The following SP100 variants were observed in gnomAD, a reference collection of about 807,000 sequenced individuals.
The protein encoded by SP100 is nuclear autoantigen Sp-100.
Under a neutral mutation model 130.0 loss-of-function variants are expected in SP100, and 84 were observed. The observed-to-expected ratio is 0.65, with a 90% CI of 0.54 to 0.77. The LOEUF (loss-of-function observed/expected upper bound fraction) is 0.77. Ranked by LOEUF, SP100 falls within the 30% of genes least tolerant of loss-of-function variation. The pLI, the probability that SP100 is intolerant of heterozygous loss-of-function variation, is 0.00. For missense variants in SP100, 978 were observed against 1,052.2 expected (o/e 0.93, Z 0.97); for synonymous variants, 331 against 351.7 (o/e 0.94, Z 0.66).
At chr2:230,449,507 A>G (rs1050801346) in intron 6 of SP100, 54 bp from the exon 7 acceptor site, 11 of 1,597,852 alleles carry the variant, frequency 6.9e-6, no homozygotes, top group Non-Finnish European at 9.4e-6. Context: ...GTTGGAGGGG[A>G]GTGACAGGCA....
At position 230,426,195 on chromosome 2, in the gene SP100, A is replaced by T. The variant is rs146310446; in HGVS notation, c.107+8530A>T. On this transcript the variant is annotated intron_variant, in intron 2 of 28. Transcript: ENST00000340126. ...CTAATTTTGTTTATCTTTTCAAAGAACAAGTTCTGAGTTTTGTTGATCTTT... is the reference window on the plus strand; with the variant it reads ...CTAATTTTGTTTATCTTTTCAAAGATCAAGTTCTGAGTTTTGTTGATCTTT... Among the ~76,000 whole-genome samples, 254 of 152,286 alleles carry T rather than the reference A, an allele frequency of 1.7e-3. 3 individuals carry two copies. Among genetic ancestry groups the T allele is most frequent in the African/African-American group, 5.9e-3 (246 of 41,578 alleles).
intron 16 of SP100, among the ~76,000 whole-genome samples, chr2:230,474,028 A>C (rs1215232011): frequency 1.3e-5 from 2 of 152,238 alleles, no homozygotes; most frequent in African/African-American, 4.8e-5. Flanking sequence ...CTAAAAATAC[A>C]TTGTTTTGAA....
chr2:230,468,972 G>T, intron 13 of SP100, 71 bp from the exon 14 acceptor site: 1 of 928,350 alleles, frequency 1.1e-6, no homozygotes, highest in Non-Finnish European at 1.7e-6. Context: ...TCTGTCAACA[G>T]TGTAAGCAGT....
intron 4 of SP100, 44 bp from the exon 5 acceptor site, chr2:230,446,775 T>C: frequency 8.3e-7 from 1 of 1,207,374 alleles, no homozygotes; most frequent in Non-Finnish European, 1.2e-6. Context: ...TTGTCCCTGG[T>C]CCCTGTAGAT....
At chr2:230,477,718 G>A (rs1347857370) in intron 17 of SP100, among the ~76,000 whole-genome samples, 2 of 152,150 alleles carry the variant, frequency 1.3e-5, no homozygotes, top group East Asian at 1.9e-4. Flanking sequence ...ATTTTAGAAT[G>A]AGCTCAAGAA....
chr2:230,465,158 C>A lies in SP100; in HGVS notation c.1141+1008C>A, dbSNP rs181854769. Among the ~76,000 whole-genome samples, 5 of 152,222 alleles carry A rather than the reference C, an allele frequency of 3.3e-5. No individual in the cohort carries two copies. The East Asian group carries it at 9.6e-4, about 29-fold the overall frequency. On this transcript the variant is annotated intron_variant, in intron 11 of 28. Coordinates refer to ENST00000340126, the MANE Select transcript of SP100 (RefSeq NM_001080391.2). Reference sequence around the variant, plus strand: ...GGCTGAGGCCAAAGAATCACTTGAACCCAGGAGAGGGATGTTGCAGTGAGC... The same window carrying A: ...GGCTGAGGCCAAAGAATCACTTGAAACCAGGAGAGGGATGTTGCAGTGAGC...
intron 2 of SP100, among the ~76,000 whole-genome samples, chr2:230,431,399 TG>T (rs1298600389): frequency 6.6e-6 from 1 of 152,214 alleles, no homozygotes; most frequent in Non-Finnish European, 1.5e-5. Context: ...TGTGCCAGCC[TG>T]GGGTAGGAGC....
intron 24 of SP100, chr2:230,515,220 G>T: frequency 6.2e-7 from 1 of 1,613,524 alleles, no homozygotes; most frequent in South Asian, 1.1e-5. Flanking sequence ...TGGCAAAGGC[G>T]GACAAGGCCC....
At chr2:230,420,381 C>T (rs975656951) in intron 2 of SP100, among the ~76,000 whole-genome samples, 9 of 151,960 alleles carry the variant, frequency 5.9e-5, no homozygotes, top group Non-Finnish European at 1.0e-4. Flanking sequence ...CTTTTTCTTT[C>T]TTTTTTCTTT....
Position 230,503,130 on chromosome 2 carries a change from ATGT to A in SP100, c.1765+22_1765+24del. 1.3e-6 allele frequency: 2 copies of A among 1,529,272 alleles called. No homozygotes were observed. The allele number at this position is 1,529,272 out of a possible 1,614,324, so 94.7% of individuals were successfully genotyped here. On this transcript the variant is annotated intron_variant, in intron 20 of 28. Coordinates refer to ENST00000340126, the MANE Select transcript of SP100 (RefSeq NM_001080391.2). Reference sequence around the variant, plus strand: ...AAAGAGGTAAATAGAAGTGATCGATATGTTTTTCATAATTAAACATTTAATATT... The same window carrying A: ...AAAGAGGTAAATAGAAGTGATCGATATTTTCATAATTAAACATTTAATATT...
chr2:230,514,135 G>GCAAA (rs1328575245), intron 24 of SP100, among the ~76,000 whole-genome samples: 4 of 149,826 alleles, frequency 2.7e-5, no homozygotes, highest in African/African-American at 9.9e-5. Context: ...TTGAATACAA[G>GCAAA]CAAACAACTT....
intron 24 of SP100, among the ~76,000 whole-genome samples, chr2:230,531,100 C>T (rs2150108234): frequency 6.6e-6 from 1 of 152,322 alleles, no homozygotes; most frequent in East Asian, 1.9e-4. Flanking sequence ...AATCATGCTA[C>T]TATAAAGACA....
Position 230,539,247 on chromosome 2 carries a change from G to A in SP100, c.2095-20G>A, listed in dbSNP as rs1692070871. On this transcript the variant is annotated intron_variant, in intron 24 of 28. Coordinates refer to ENST00000340126, the MANE Select transcript of SP100 (RefSeq NM_001080391.2). ...CAAGGGTCTCACTGATCCCGGTGATGTCTACATCTCCCCTTCTAGCCGGAA... is the reference window on the plus strand; with the variant it reads ...CAAGGGTCTCACTGATCCCGGTGATATCTACATCTCCCCTTCTAGCCGGAA... 6.5e-7 allele frequency: 1 copy of A among 1,530,256 alleles called. No homozygotes were observed. 94.8% of individuals were successfully genotyped at this position (1,530,256 alleles called of 1,614,324 possible).
chr2:230,469,240 T>C, intron 14 of SP100, 144 bp downstream of exon 14: 3 of 614,202 alleles, frequency 4.9e-6, no homozygotes, highest in Non-Finnish European at 8.6e-6. Flanking sequence ...TTCAATTAGA[T>C]GAGTTGGGCT....
In SP100 at chr2:230,458,824, G is replaced by A. The variant is rs567693744; in HGVS notation, c.821-2438G>A. Among the ~76,000 whole-genome samples the A allele has an allele frequency of 3.3e-4, 50 of 152,126 alleles. No homozygotes were observed. In the East Asian group the frequency reaches 3.5e-3, roughly 11 times the overall value. On this transcript the variant is annotated intron_variant, in intron 8 of 28. Transcript: ENST00000340126. ...GATATAGCACTCACACATCAGATGC[G>A]AAAGTATTTTTGAAAAAAAAGTGAC...
At position 230,464,121 on chromosome 2, in the gene SP100, C is replaced by A. The variant is rs1452894190; in HGVS notation, c.1112C>A (p.Ala371Asp). ...AATGATGAAAAGGAGGGCCAAGAAG[C>A]CACTTGCTCACGACCCCAGATTGTA... ...ESNDEKEGQEATCSRPQIVPE... is the reference protein window; with the variant it reads ...ESNDEKEGQEDTCSRPQIVPE... Residue 371 changes from alanine (A) to aspartate (D), a missense_variant, in exon 11 of 29, where the codon GCC becomes GAC. Transcript: ENST00000340126. 6.2e-7 allele frequency: 1 copy of A among 1,612,468 alleles called. No individual in the cohort carries two copies. The highest frequency in any genetic ancestry group is 1.7e-5 in the Admixed American group (1 of 59,998).
chr2:230,513,224 C>T (rs1690721952), intron 24 of SP100, among the ~76,000 whole-genome samples: 1 of 152,182 alleles, frequency 6.6e-6, no homozygotes, highest in Non-Finnish European at 1.5e-5. Flanking sequence ...TTGAAGGATA[C>T]AATACAGAAG....
chr2:230,417,032 A>G (rs1050662180), intron 1 of SP100, among the ~76,000 whole-genome samples: 1 of 152,360 alleles, frequency 6.6e-6, no homozygotes, highest in Non-Finnish European at 1.5e-5. Flanking sequence ...TTTTTAATAC[A>G]AAAGAAATAC....
At chr2:230,417,419 T>C (rs970629965) in intron 1 of SP100, among the ~76,000 whole-genome samples, 172 bp from the exon 2 acceptor site, 3 of 152,244 alleles carry the variant, frequency 2.0e-5, no homozygotes, top group Admixed American at 2.0e-4. Context: ...GACATTTAGA[T>C]TGTTTTTAAA....
Sources: allele counts gnomAD v4.1 joint callset (sites outside exome capture counted in the v4.1 genomes callset), GRCh38; gene constraint gnomAD v4.1.1; transcripts MANE v1.5; gene names NCBI Gene and HGNC (gene_info 2026-07-23, HGNC 2026-07-21).